Variants in CDAN1 observed in about 807,000 individuals in gnomAD.
The protein encoded by CDAN1 is codanin-1.
In CDAN1, 107 loss-of-function variants were observed where a neutral mutation model predicts 139.8. The ratio of observed to expected loss-of-function variants is 0.77; its 90% CI spans 0.65 to 0.90. The LOEUF (loss-of-function observed/expected upper bound fraction) is 0.90, where lower values mean the gene tolerates loss of function less well. Among genes scored for constraint, CDAN1 ranks in the 40% least tolerant of loss-of-function variants. CDAN1 has a pLI of 0.00. For missense variants in CDAN1, 1,667 were observed against 1,575.7 expected (o/e 1.06, Z -0.98); for synonymous variants, 776 against 660.6 (o/e 1.17, Z -2.68).
rs565510675 is a variant in CDAN1, at chr15:42,729,810, G to A, written c.2338C>T (p.Pro780Ser). 1.1e-5 allele frequency: 17 copies of A among 1,613,572 alleles called. No individual in the cohort carries two copies. In the East Asian group the frequency reaches 1.8e-4, roughly 17 times the overall value. Residue 780 changes from proline (P) to serine (S), a missense_variant, in exon 16 of 28, where the codon CCA becomes TCA. Physicochemically the swap from Pro to Ser is moderately conservative, Grantham distance 74. Transcript: ENST00000356231. Reference protein sequence around the residue: ...SYAFEVDTVAPEHGLDNAPVV... With the variant: ...SYAFEVDTVASEHGLDNAPVV... ...CCAGCACTCACCAAGCCATGCTCTG[G>A]GGCTACTGTGTCCACCTCAAAGGCA...
intron 23 of CDAN1, among the ~76,000 whole-genome samples, chr15:42,727,419 G>T (rs1190021859): frequency 6.6e-6 from 1 of 152,192 alleles, no homozygotes; most frequent in Non-Finnish European, 1.5e-5. Context: ...TGATTAAAAA[G>T]TCAGAGTGAC....
intron 4 of CDAN1, 64 bp from the exon 5 acceptor site, chr15:42,735,438 A>G: frequency 1.3e-6 from 2 of 1,597,732 alleles, no homozygotes; most frequent in Middle Eastern, 1.7e-4. Flanking sequence ...CTCAGTTCCA[A>G]GTGCCTTACC....
Position 42,726,391 on chromosome 15 carries a change from TGGCCCCACGGCCAAGGA to T in CDAN1, c.3106_3122del (p.Ser1036ThrfsTer4). ...GGGAGACTCCCTCGTCAGGGTCCCG[TGGCCCCACGGCCAAGGA>T]GAGCACGTCCTGTGAAGAGCAGGGG... On this transcript the variant is annotated frameshift_variant, in exon 24 of 28. Transcript: ENST00000356231. LOFTEE classifies it high-confidence loss of function. 6.3e-7 allele frequency: 1 copy of T among 1,598,170 alleles called. No homozygotes were observed. Among genetic ancestry groups the T allele is most frequent in the Non-Finnish European group, 8.5e-7 (1 of 1,172,590 alleles).
Position 42,729,080 on chromosome 15 carries a change from CGCAAGGAGGGCG to C in CDAN1, c.2576_2587del (p.Pro859_Leu862del). 6.2e-7 allele frequency: 1 copy of C among 1,614,236 alleles called. No homozygotes were observed. The highest frequency in any genetic ancestry group is 1.1e-5 in the South Asian group (1 of 91,082). On this transcript the variant is annotated inframe_deletion, in exon 19 of 28. Coordinates refer to ENST00000356231, the MANE Select transcript of CDAN1 (RefSeq NM_138477.4). Reference sequence around the variant, plus strand: ...TTCTGCCACGAACTCTACGGTCCGGCGCAAGGAGGGCGGCTGGTTGTGGAAAAAGGCCTGGGC... The same window carrying C: ...TTCTGCCACGAACTCTACGGTCCGGCGCTGGTTGTGGAAAAAGGCCTGGGC...
At chr15:42,731,948 T>G (rs1595859111) in intron 10 of CDAN1, 123 bp from the exon 11 acceptor site, 1 of 895,620 alleles carries the variant, frequency 1.1e-6, no homozygotes, top group Admixed American at 2.0e-5. Context: ...GTGCTTTAGA[T>G]AGATTTTCTG....
chr15:42,726,250 T>C, intron 24 of CDAN1, 60 bp downstream of exon 24: 1 of 1,598,520 alleles, frequency 6.3e-7, no homozygotes, highest in Non-Finnish European at 8.6e-7. Context: ...TGGCTCTGGT[T>C]ATCAGGTCTC....
intron 3 of CDAN1, 80 bp downstream of exon 3, chr15:42,735,795 G>A (rs2061679559): frequency 6.3e-7 from 1 of 1,593,012 alleles, no homozygotes; most frequent in Non-Finnish European, 8.6e-7. Context: ...GTCCCCAAGA[G>A]GGAAATCAAT....
intron 13 of CDAN1, 67 bp from the exon 14 acceptor site, chr15:42,730,831 G>A (rs1291059332): frequency 1.2e-6 from 2 of 1,612,904 alleles, no homozygotes; most frequent in East Asian, 2.2e-5. Context: ...CCTTTAACCT[G>A]CCTGGTTTCC....
At chr15:42,732,728 A>G (rs1323869739) in intron 9 of CDAN1, among the ~76,000 whole-genome samples, 1 of 152,212 alleles carries the variant, frequency 6.6e-6, no homozygotes, top group Non-Finnish European at 1.5e-5. Flanking sequence ...TTCTGAGCCC[A>G]GGCATCTACC....
chr15:42,727,080 AAATT>A (rs1240425205), intron 23 of CDAN1: 5 of 155,180 alleles, frequency 3.2e-5, no homozygotes, highest in Admixed American at 3.2e-4. Flanking sequence ...GCTCGTACAC[AAATT>A]AATATGGCTG....
intron 23 of CDAN1, 104 bp downstream of exon 23, chr15:42,727,517 A>C: frequency 2.7e-6 from 3 of 1,095,480 alleles, no homozygotes; most frequent in Non-Finnish European, 3.9e-6. Flanking sequence ...CAGCACAGAC[A>C]GCTTCTACAT....
rs1371613938 is a variant in CDAN1 at position 42,733,078 on chromosome 15, A to G, written c.1457+19T>C. On this transcript the variant is annotated intron_variant, in intron 9 of 27. Coordinates refer to ENST00000356231, the MANE Select transcript of CDAN1 (RefSeq NM_138477.4). Reference sequence around the variant, plus strand: ...CTACTCATTGCCAGGAACAAGAAAGACAAGGTCTGAGCACCCACCTGATTC... The same window carrying G: ...CTACTCATTGCCAGGAACAAGAAAGGCAAGGTCTGAGCACCCACCTGATTC... The G allele has an allele frequency of 6.2e-7, 1 of 1,612,128 alleles. No individual in the cohort carries two copies. The highest frequency in any genetic ancestry group is 1.7e-5 in the Admixed American group (1 of 60,010).
rs1467943011 is a variant in CDAN1 at position 42,728,764 on chromosome 15, G to A, written c.2692C>T (p.Gln898Ter). ...TCTCCCTGTGTCACCAGCTGCTCTT[G>A]GAGAAGTGACTCTGCCTGGCGCACC... ...DLVRQAESLLQEQLVTQGEEG... is the reference protein window; with the variant it reads ...DLVRQAESLL Residue 898 changes from glutamine to a stop codon, truncating the protein, a stop_gained, in exon 20 of 28, where the codon CAA (glutamine) becomes TAA (stop). Transcript: ENST00000356231. LOFTEE classifies it high-confidence loss of function. 3.1e-6 allele frequency: 5 copies of A among 1,614,146 alleles called. No individual in the cohort carries two copies. Among genetic ancestry groups the A allele is most frequent in the Non-Finnish European group, 4.2e-6 (5 of 1,180,024 alleles).
Position 42,729,083 on chromosome 15 carries a change from AAGG to A in CDAN1, c.2582_2584del (p.Ser861del), listed in dbSNP as rs2061572605. 5.6e-6 allele frequency: 9 copies of A among 1,614,210 alleles called. No homozygotes were observed. Among genetic ancestry groups the A allele is most frequent in the Non-Finnish European group, 7.6e-6 (9 of 1,180,038 alleles). ...TGCCACGAACTCTACGGTCCGGCGC[AAGG>A]AGGGCGGCTGGTTGTGGAAAAAGGC... On this transcript the variant is annotated inframe_deletion, in exon 19 of 28. Transcript: ENST00000356231.
Position 42,736,300 on chromosome 15 carries a change from AC to A in CDAN1, c.569+1del. ...ATCTCCTGCATGAGAGCTGAGTCTC[AC>A]CCTGTAGGGCCGGGGGGAACCGAGC... On this transcript the variant is annotated splice_donor_variant, in intron 2 of 27. Coordinates refer to ENST00000356231, the MANE Select transcript of CDAN1 (RefSeq NM_138477.4). LOFTEE classifies it high-confidence loss of function. 1 of 1,613,186 alleles carries A rather than the reference AC, an allele frequency of 6.2e-7. No homozygotes were observed.
At chr15:42,728,345 A>G in intron 20 of CDAN1, 78 bp from the exon 21 acceptor site, 1 of 1,487,422 alleles carries the variant, frequency 6.7e-7, no homozygotes, top group Non-Finnish European at 9.4e-7. Context: ...GAGTGCACCA[A>G]GCCCCTGACC....
In CDAN1 at chr15:42,724,342, C is replaced by G. The variant is rs780900339; in HGVS notation, c.*149G>C. 48 of 1,055,548 alleles carry G rather than the reference C, an allele frequency of 4.5e-5. No individual in the cohort carries two copies. Among genetic ancestry groups the G allele is most frequent in the East Asian group, 8.0e-5 (3 of 37,442 alleles). 65.4% of individuals were successfully genotyped at this position (1,055,548 alleles called of 1,614,324 possible). ...CTCTAGGATTCGCGTGGTGGGATGC[C>G]AGGCAGTGACACCCTTAGAGCAGGA... On this transcript the variant is annotated 3_prime_UTR_variant, in exon 28 of 28. Coordinates refer to ENST00000356231, the MANE Select transcript of CDAN1 (RefSeq NM_138477.4).
intron 7 of CDAN1, 70 bp from the exon 8 acceptor site, chr15:42,734,117 C>T: frequency 6.3e-7 from 1 of 1,598,398 alleles, no homozygotes; most frequent in Non-Finnish European, 8.6e-7. Context: ...TATTCTTGCC[C>T]AGAGTTAGCT....
rs371836873 is a variant in CDAN1 at position 42,737,081 on chromosome 15, G to A, written c.22C>T (p.Leu8=). Residue 8 remains leucine, a synonymous_variant, in exon 1 of 28, where the codon CTG becomes TTG. Transcript: ENST00000356231. The part of the protein sequence containing the change: MAAVLES[L]LREEVSVAAV... ...GCGACCGACACCTCTTCTCGCAGCA[G>A]CGACTCCAAAACGGCCGCCATCCCG... The A allele has an allele frequency of 1.7e-4, 258 of 1,531,836 alleles. 1 individual carries two copies. The South Asian group carries it at 2.3e-3, about 14-fold the overall frequency. 94.9% of individuals were successfully genotyped at this position (1,531,836 alleles called of 1,614,324 possible).
Sources: allele counts gnomAD v4.1 joint callset (sites outside exome capture counted in the v4.1 genomes callset), GRCh38; gene constraint gnomAD v4.1.1; transcripts MANE v1.5; gene names NCBI Gene and HGNC (gene_info 2026-07-23, HGNC 2026-07-21).